The following CHST10 variants were observed in gnomAD, a reference collection of about 807,000 sequenced individuals.
CHST10 encodes carbohydrate sulfotransferase 10.
CHST10 carries 24 observed loss-of-function variants against 34.7 expected under a neutral mutation model. The ratio of observed to expected loss-of-function variants is 0.69; its 90% CI spans 0.50 to 0.97. The LOEUF is 0.97. Ranked by LOEUF, CHST10 falls within the 50% of genes least tolerant of loss-of-function variation. CHST10 has a pLI of 0.00. For missense variants in CHST10, 402 were observed against 452.1 expected, an observed-to-expected ratio of 0.89 and a Z score of 1.00; for synonymous variants, 161 against 169.3, an observed-to-expected ratio of 0.95 and a Z score of 0.38.
chr2:100,411,371 C>T (rs555453344), intron 2 of CHST10, among the ~76,000 whole-genome samples: 1 of 152,228 alleles, frequency 6.6e-6, no homozygotes, highest in South Asian at 2.1e-4. Flanking sequence ...CTTGGACTCT[C>T]AAAGTGCTGG....
chr2:100,415,893 T>C (rs1001882770), intron 1 of CHST10: 1 of 152,242 alleles, frequency 6.6e-6, no homozygotes, highest in Admixed American at 6.5e-5. Flanking sequence ...ACCACACACC[T>C]AGGCTATATG....
intron 4 of CHST10, among the ~76,000 whole-genome samples, chr2:100,400,029 T>C (rs1360025625): frequency 1.3e-5 from 2 of 152,102 alleles, no homozygotes; most frequent in East Asian, 3.9e-4. Flanking sequence ...TGCTCACTTA[T>C]CCCAAAAGAG....
Position 100,393,457 on chromosome 2 carries a change from C to T in CHST10, c.859G>A (p.Glu287Lys). ...TTTAAGATGTATGGGGCATCGTCCT[C>T]CAGGGTCTCGTGGTGTCCAATCACA... ...YSVIGHHETL[E>K]DDAPYILKEA... The change falls in exon 7 of 7, where the codon GAG (glutamate) becomes AAG (lysine). Residue 287 changes from glutamate (E) to lysine (K), a missense_variant. Physicochemically the swap from Glu to Lys is moderately conservative, Grantham distance 56 (BLOSUM62 1). Coordinates refer to ENST00000264249, the MANE Select transcript of CHST10 (RefSeq NM_004854.5). 6.2e-7 allele frequency: 1 copy of T among 1,614,122 alleles called. No individual in the cohort carries two copies. The highest frequency in any genetic ancestry group is 8.5e-7 in the Non-Finnish European group (1 of 1,180,034).
In CHST10 at chr2:100,392,776, C is replaced by T. The variant is rs3748936; in HGVS notation, c.*469G>A. 0.11 allele frequency: 18,183 copies of T among 169,668 alleles called. 2,580 individuals are homozygous for T. Among genetic ancestry groups the T allele is most frequent in the African/African-American group, 0.33 (13,874 of 41,900 alleles). The allele number at this position is 169,668 out of a possible 1,614,324, so 10.5% of individuals were successfully genotyped here. A position where few individuals can be genotyped will look rare whatever the true frequency, so the allele number is the denominator to read the frequency against. ...AGATCTGATGCTGCAAAAGTCTCTG[C>T]GATTTCAGCAGCCCCCTTGCTTCTC... On this transcript the variant is annotated 3_prime_UTR_variant, in exon 7 of 7. Transcript: ENST00000264249.
Position 100,406,690 on chromosome 2 carries a change from G to C in CHST10, c.-15C>G, listed in dbSNP as rs1675594603. On this transcript the variant is annotated 5_prime_UTR_variant, in exon 3 of 7. Transcript: ENST00000264249. ...TGGTGGTGCATGTTGTCACACCGCA[G>C]CCATTCACTGACTCTTCCTGGAAAA... is the stretch of plus-strand genomic sequence containing the variant. 1.9e-6 allele frequency: 3 copies of C among 1,610,130 alleles called. No homozygotes were observed. Among genetic ancestry groups the C allele is most frequent in the Admixed American group, 1.7e-5 (1 of 59,858 alleles).
At chr2:100,412,390 T>C (rs1429541628) in intron 2 of CHST10, among the ~76,000 whole-genome samples, 2 of 152,212 alleles carry the variant, frequency 1.3e-5, no homozygotes, top group Non-Finnish European at 2.9e-5. Flanking sequence ...ATGTGCCTTC[T>C]GAATCTAGAC....
At chr2:100,404,431 G>A (rs1279785531) in intron 3 of CHST10, among the ~76,000 whole-genome samples, 12 of 152,180 alleles carry the variant, frequency 7.9e-5, no homozygotes, top group Admixed American at 5.2e-4. Flanking sequence ...ATTAAGGACC[G>A]CTGCGGTGCT....
rs1675977236 is a variant in CHST10, at chr2:100,414,383, A to AC, written c.-33+657_-33+658insG. 2.7e-5 allele frequency among the ~76,000 whole-genome samples: 4 copies of AC among 149,508 alleles called. No individual in the cohort carries two copies. In the South Asian group the frequency reaches 8.5e-4, roughly 32 times the overall value. On this transcript the variant is annotated intron_variant, in intron 2 of 6. Transcript: ENST00000264249. ...AACTTCACACACACACACACACACA[A>AC]AAACCTGGTAATGTACAAGGAACTG... is the stretch of plus-strand genomic sequence containing the variant.
intron 2 of CHST10, among the ~76,000 whole-genome samples, chr2:100,410,461 G>A (rs1357646846): frequency 3.9e-5 from 6 of 152,322 alleles, no homozygotes; most frequent in South Asian, 2.1e-4. Flanking sequence ...CCAGCACAGT[G>A]CCTGGCGCAC....
At chr2:100,406,435 G>A (rs1273896533) in intron 3 of CHST10, 141 bp downstream of exon 3, 8 of 867,446 alleles carry the variant, frequency 9.2e-6, no homozygotes, top group South Asian at 3.2e-5. Flanking sequence ...ATGAAGGAAC[G>A]GAGGCCATGA....
At chr2:100,410,938 G>A (rs7582096) in intron 2 of CHST10, among the ~76,000 whole-genome samples, 20,920 of 152,022 alleles carry the variant, frequency 0.14, 3,477 homozygotes, top group African/African-American at 0.39. Context: ...TTGCAGGATG[G>A]AATGTATGAT....
In CHST10 at chr2:100,406,558, AC is replaced by A; in HGVS notation, c.100+17del. On this transcript the variant is annotated intron_variant, in intron 3 of 6. Coordinates refer to ENST00000264249, the MANE Select transcript of CHST10 (RefSeq NM_004854.5). Reference sequence around the variant, plus strand: ...GTCTAAATTAGCCAAAATTCGTTCCACCATGAAGCATACGTACCATCTGGGT... The same window carrying A: ...GTCTAAATTAGCCAAAATTCGTTCCACATGAAGCATACGTACCATCTGGGT... 6.2e-7 allele frequency: 1 copy of A among 1,613,858 alleles called. No individual in the cohort carries two copies. Among genetic ancestry groups the A allele is most frequent in the Non-Finnish European group, 8.5e-7 (1 of 1,179,816 alleles).
At chr2:100,412,993 G>A (rs140067283) in intron 2 of CHST10, among the ~76,000 whole-genome samples, 4 of 152,050 alleles carry the variant, frequency 2.6e-5, no homozygotes, top group East Asian at 1.9e-4. Context: ...CTCTAAGTCC[G>A]CCCCATTCTC....
At chr2:100,411,229 G>A (rs561751315) in intron 2 of CHST10, among the ~76,000 whole-genome samples, 1 of 149,960 alleles carries the variant, frequency 6.7e-6, no homozygotes, top group African/African-American at 2.5e-5. Context: ...CGATTCTCCT[G>A]CCTCAGCCTC....
chr2:100,406,796 A>C, intron 2 of CHST10, 89 bp from the exon 3 acceptor site: 1 of 1,518,268 alleles, frequency 6.6e-7, no homozygotes, highest in Non-Finnish European at 8.9e-7. Context: ...TTCAGTCAGT[A>C]AGTATCAGCA....
chr2:100,393,535 T>C lies in CHST10; in HGVS notation c.781A>G (p.Ile261Val), dbSNP rs896648232. ...AGCTCTACATACGTCACCCAGTGAA[T>C]GATGTGGTCCCCAAACTGAAGGTCT... ...WLDLQFGDHI[I>V]HWVTYVELCA... The change falls in exon 7 of 7, where the codon ATT becomes GTT. Residue 261 changes from isoleucine (I) to valine (V), a missense_variant. Ile to Val is a conservative substitution (Grantham distance 29, BLOSUM62 3). Coordinates refer to ENST00000264249, the MANE Select transcript of CHST10 (RefSeq NM_004854.5). 1.2e-5 allele frequency: 20 copies of C among 1,613,980 alleles called. No homozygotes were observed. The highest frequency in any genetic ancestry group is 1.6e-5 in the Non-Finnish European group (19 of 1,180,034).
In CHST10 at chr2:100,415,089, G is replaced by C. The variant is rs927572716; in HGVS notation, c.-81C>G. Reference sequence around the variant, plus strand: ...TTCCTTGCTGTGTTTCCCCTGAACTGAGGTTCTTGGTTCCTCTTGTCACTG... The same window carrying C: ...TTCCTTGCTGTGTTTCCCCTGAACTCAGGTTCTTGGTTCCTCTTGTCACTG... On this transcript the variant is annotated 5_prime_UTR_variant, in exon 2 of 7. Coordinates refer to ENST00000264249, the MANE Select transcript of CHST10 (RefSeq NM_004854.5). 1 of 1,301,828 alleles carries C rather than the reference G, an allele frequency of 7.7e-7. No homozygotes were observed. Among genetic ancestry groups the C allele is most frequent in the African/African-American group, 1.5e-5 (1 of 65,574 alleles). The allele number at this position is 1,301,828 out of a possible 1,614,324, so 80.6% of individuals were successfully genotyped here.
chr2:100,393,577 G>C lies in CHST10; in HGVS notation c.739C>G (p.Pro247Ala), dbSNP rs1316111773. Residue 247 changes from proline (P) to alanine (A), a missense_variant, in exon 7 of 7, where the codon CCG (proline) becomes GCG (alanine). Physicochemically the swap from Pro to Ala is conservative, Grantham distance 27. Transcript: ENST00000264249. ...FEDFVRYLGDPNHRWLDLQFG... is the reference protein window; with the variant it reads ...FEDFVRYLGDANHRWLDLQFG... ...TGAAGGTCTAGCCATCTGTGGTTCG[G>C]ATCGCCGAGGTAGCGCACGAAATCT... 1 of 1,614,018 alleles carries C rather than the reference G, an allele frequency of 6.2e-7. No individual in the cohort carries two copies. Among genetic ancestry groups the C allele is most frequent in the Non-Finnish European group, 8.5e-7 (1 of 1,180,036 alleles).
intron 3 of CHST10, 98 bp from the exon 4 acceptor site, chr2:100,402,753 G>T: frequency 9.8e-7 from 1 of 1,017,684 alleles, no homozygotes. Flanking sequence ...TCTCAAAGAT[G>T]CCCAAATGCC....
Sources: gnomAD v4.1 joint callset for allele counts (sites outside exome capture counted in the v4.1 genomes callset) on GRCh38, gnomAD v4.1.1 for gene constraint, MANE v1.5 for transcripts, NCBI Gene and HGNC (gene_info 2026-07-23, HGNC 2026-07-21) for gene names.